Variants in IL13RA1 observed in about 807,000 individuals in gnomAD.
The protein encoded by IL13RA1 is interleukin 13 receptor subunit alpha 1, also known as interleukin-13 receptor subunit alpha-1.
In IL13RA1, 14 loss-of-function variants were observed where a neutral mutation model predicts 33.8. That is an observed-to-expected ratio of 0.41 (90% CI 0.27 to 0.65). The LOEUF (loss-of-function observed/expected upper bound fraction) is 0.65, where lower values mean the gene tolerates loss of function less well. IL13RA1 is among the 30% of genes least tolerant of loss of function. The pLI, the probability that IL13RA1 is intolerant of heterozygous loss-of-function variation, is 0.28. For synonymous variants in IL13RA1, 116 were observed against 115.7 expected, an observed-to-expected ratio of 1.00 and a Z score of -0.02; for missense variants, 313 against 327.0, an observed-to-expected ratio of 0.96 and a Z score of 0.33.
At chrX:118,783,899 T>G (rs1177908686) in intron 10 of IL13RA1, among the ~76,000 whole-genome samples, 1 of 101,138 alleles carries the variant, frequency 9.9e-6, no homozygotes, top group Non-Finnish European at 2.0e-5. Context: ...GCCAACATGG[T>G]GAAACCCCGT....
At chrX:118,766,654 G>A in intron 7 of IL13RA1, 77 bp downstream of exon 7, 1 of 641,018 alleles carries the variant, frequency 1.6e-6, no homozygotes, top group Non-Finnish European at 2.5e-6. Flanking sequence ...AATATGAGCT[G>A]CTTTGAGAAA....
chrX:118,763,822 C>CTT (rs33970018), intron 6 of IL13RA1, among the ~76,000 whole-genome samples: 3,925 of 102,551 alleles, frequency 0.038, 176 homozygotes, highest in African/African-American at 0.13. Flanking sequence ...AATTGAGTTA[C>CTT]TTTTTTTTTT....
intron 8 of IL13RA1, among the ~76,000 whole-genome samples, chrX:118,772,004 C>T (rs758746816): frequency 2.9e-4 from 32 of 112,198 alleles, no homozygotes; most frequent in African/African-American, 1.0e-3. Context: ...ATCACTATCT[C>T]TGGAAAACTA....
intron 8 of IL13RA1, among the ~76,000 whole-genome samples, chrX:118,768,449 CAT>C (rs777241040): frequency 9.0e-6 from 1 of 111,687 alleles, no homozygotes; most frequent in South Asian, 3.8e-4. Flanking sequence ...CAAGTTCACT[CAT>C]ATAGTTGTTG....
intron 1 of IL13RA1, among the ~76,000 whole-genome samples, chrX:118,736,464 A>AT (rs765846882): frequency 3.6e-5 from 4 of 110,305 alleles, no homozygotes; most frequent in South Asian, 3.8e-4. Context: ...TATTGTCTTT[A>AT]TTTTTTTGAT....
downstream of IL13RA1, among the ~76,000 whole-genome samples, chrX:118,799,015 G>A (rs1252874922): frequency 5.8e-5 from 3 of 51,995 alleles, no homozygotes; most frequent in East Asian, 4.2e-4. Flanking sequence ...CTGGAGTTCC[G>A]GGTGGGCATG....
chrX:118,739,371 G>A (rs1446518437), intron 1 of IL13RA1, among the ~76,000 whole-genome samples: 1 of 111,622 alleles, frequency 9.0e-6, no homozygotes, highest in East Asian at 2.8e-4. Flanking sequence ...GGAATTTTTT[G>A]CTCAGTTAGG....
downstream of IL13RA1, among the ~76,000 whole-genome samples, chrX:118,798,232 ATTATAC>A (rs777985601): frequency 2.0e-4 from 22 of 111,637 alleles, no homozygotes; most frequent in Non-Finnish European, 4.1e-4. Context: ...CAATATTTGC[ATTATAC>A]TTATATAAAT....
Position 118,784,100 on chromosome X carries a change from T to TATATATATATAC in IL13RA1, c.1191+7598_1191+7599insTACATATATATA, listed in dbSNP as rs1160734480. ...GCCAAAAAAAAAAAAAATATATATA[T>TATATATATATAC]ATATATATACGTATATATGTATATA... On this transcript the variant is annotated intron_variant, in intron 10 of 10. Transcript: ENST00000371666. Among the ~76,000 whole-genome samples the TATATATATATAC allele has an allele frequency of 1.3e-3, 84 of 66,870 alleles. 1 individual carries two copies. Among genetic ancestry groups the TATATATATATAC allele is most frequent in the African/African-American group, 4.5e-3 (83 of 18,295 alleles). The allele number at this position is 66,870 out of a possible 115,157, so 58.1% of individuals were successfully genotyped here.
Position 118,736,352 on chromosome X carries a change from T to C in IL13RA1, c.89-4665T>C, listed in dbSNP as rs903477250. Among the ~76,000 whole-genome samples, 6 of 111,334 alleles carry C rather than the reference T, an allele frequency of 5.4e-5. No homozygotes were observed. The Admixed American group carries it at 5.7e-4, about 11-fold the overall frequency. ...TTTTTGTTTTGTTTTGTTTTGTCTG[T>C]CTTGTGATTCTTTGTTAGAAACTGG... On this transcript the variant is annotated intron_variant, in intron 1 of 10. Coordinates refer to ENST00000371666, the MANE Select transcript of IL13RA1 (RefSeq NM_001560.3).
intron 10 of IL13RA1, among the ~76,000 whole-genome samples, chrX:118,780,756 C>G (rs1603221268): frequency 8.9e-6 from 1 of 112,168 alleles, no homozygotes; most frequent in East Asian, 2.8e-4. Context: ...GGCCACACTT[C>G]CAACGTTGGG....
chrX:118,733,584 T>C (rs2017247640), intron 1 of IL13RA1, among the ~76,000 whole-genome samples: 1 of 112,030 alleles, frequency 8.9e-6, no homozygotes, highest in African/African-American at 3.2e-5. Context: ...GAGTCACTTT[T>C]TTCTGTGAAT....
chrX:118,735,759 G>T (rs376156613), intron 1 of IL13RA1, among the ~76,000 whole-genome samples: 1 of 111,779 alleles, frequency 8.9e-6, no homozygotes, highest in East Asian at 2.8e-4. Flanking sequence ...TGTTGGCTAG[G>T]CTTGTTTCGA....
chrX:118,803,854 TTTCCTTCCTTCCTTC>T, the IL13RA1 span, among the ~76,000 whole-genome samples: 1 of 69,383 alleles, frequency 1.4e-5, no homozygotes, highest in East Asian at 4.7e-4. Context: ...TGTTTTCTCT[TTTCCTTCCTTCCTTC>T]CTTCCTTCCT....
At chrX:118,790,920 A>C (rs1407088522) in intron 10 of IL13RA1, among the ~76,000 whole-genome samples, 1 of 111,925 alleles carries the variant, frequency 8.9e-6, no homozygotes. Context: ...GCCAGATAAT[A>C]AATGATTTTG....
intron 10 of IL13RA1, among the ~76,000 whole-genome samples, chrX:118,784,118 T>TATATAC (rs1491369585): frequency 9.3e-4 from 20 of 21,466 alleles, no homozygotes; most frequent in African/African-American, 3.4e-3. Context: ...TACGTATATA[T>TATATAC]GTATATATAT....
chrX:118,772,365 A>G (rs1031491084), intron 8 of IL13RA1, among the ~76,000 whole-genome samples: 4 of 112,594 alleles, frequency 3.6e-5, no homozygotes, highest in African/African-American at 1.3e-4. Context: ...AATGAGATAC[A>G]TTTGTAGTAA....
intron 2 of IL13RA1, 90 bp from the exon 3 acceptor site, chrX:118,746,864 A>T (rs144642926): frequency 0.042 from 27,951 of 660,759 alleles, 541 homozygotes; most frequent in Non-Finnish European, 0.051. Flanking sequence ...CTTTTTTGAT[A>T]AAAAAAGCAC....
intron 10 of IL13RA1, 52 bp downstream of exon 10, chrX:118,776,563 G>A: frequency 1.1e-5 from 2 of 180,157 alleles, no homozygotes; most frequent in Non-Finnish European, 2.0e-5. Flanking sequence ...TTTTTTTTTT[G>A]GAAGCTATGG....
Sources: gnomAD v4.1 joint callset for allele counts (sites outside exome capture counted in the v4.1 genomes callset) on GRCh38, gnomAD v4.1.1 for gene constraint, MANE v1.5 for transcripts, NCBI Gene and HGNC (gene_info 2026-07-23, HGNC 2026-07-21) for gene names.